TRMT10B: variants seen among roughly 807,000 people sequenced by gnomAD.
The protein encoded by TRMT10B is tRNA methyltransferase 10B, also known as tRNA methyltransferase 10 homolog B.
A neutral mutation model predicts 43.8 loss-of-function variants in TRMT10B; 33 were observed. The observed-to-expected ratio is 0.75, with a 90% confidence interval of 0.57 to 1.01. The LOEUF (loss-of-function observed/expected upper bound fraction) is 1.01, where lower values mean the gene tolerates loss of function less well. Among genes scored for constraint, TRMT10B ranks in the 50% least tolerant of loss-of-function variants. TRMT10B has a pLI of 0.00. For missense variants in TRMT10B, 362 were observed against 369.8 expected, an observed-to-expected ratio of 0.98 and a Z score of 0.17; for synonymous variants, 137 against 130.6, an observed-to-expected ratio of 1.05 and a Z score of -0.34.
At chr9:37,753,206 G>T (rs751994970), upstream of TRMT10B, among the ~76,000 whole-genome samples, 1 of 152,230 alleles carries the variant, frequency 6.6e-6, no homozygotes, top group Non-Finnish European at 1.5e-5. Context: ...CAGTCTTTAA[G>T]AATTGTAACA....
intron 4 of TRMT10B, among the ~76,000 whole-genome samples, chr9:37,764,654 C>A (rs1054396423): frequency 6.6e-6 from 1 of 151,838 alleles, no homozygotes; most frequent in Non-Finnish European, 1.5e-5. Context: ...AAACTCCTGT[C>A]CTCAGGTGAT....
chr9:37,768,775 G>T (rs538132937), intron 5 of TRMT10B, among the ~76,000 whole-genome samples: 1 of 152,316 alleles, frequency 6.6e-6, no homozygotes, highest in African/African-American at 2.4e-5. Flanking sequence ...TGGAAGTGAT[G>T]AATGTGAAGG....
chr9:37,754,093 G>T (rs1055971401), intron 1 of TRMT10B, among the ~76,000 whole-genome samples: 1 of 152,260 alleles, frequency 6.6e-6, no homozygotes, highest in East Asian at 1.9e-4. Context: ...ATCACTTAGC[G>T]GCAGTGTAGG....
At chr9:37,774,925 T>A (rs1209465739) in intron 7 of TRMT10B, among the ~76,000 whole-genome samples, 3 of 152,048 alleles carry the variant, frequency 2.0e-5, no homozygotes, top group African/African-American at 7.2e-5. Flanking sequence ...CAAAGAAGAG[T>A]TGACAGAACT....
intron 4 of TRMT10B, chr9:37,767,566 A>C (rs558865553): frequency 6.7e-6 from 1 of 150,186 alleles, no homozygotes; most frequent in Admixed American, 6.7e-5. Context: ...TAGCAGATTA[A>C]ATCAAACCCA....
rs1362499329 is a variant in TRMT10B at position 37,773,958 on chromosome 9, A to AG, written c.721-2324_721-2323insG. On this transcript the variant is annotated intron_variant, in intron 7 of 8. Transcript: ENST00000297994. ...GCAACACAGTGAGACCCTGTCTCTA[A>AG]AAAAAAAAAAAAAAAACAACAATAA... Among the ~76,000 whole-genome samples the AG allele has an allele frequency of 2.3e-5, 3 of 127,846 alleles. No individual in the cohort carries two copies. The East Asian group carries it at 6.3e-4, about 27-fold the overall frequency. The allele number at this position is 127,846 out of a possible 152,430, so 83.9% of individuals were successfully genotyped here.
Position 37,762,527 on chromosome 9 carries a change from T to G in TRMT10B, c.187-50T>G, listed in dbSNP as rs559133233. 2.9e-4 allele frequency: 444 copies of G among 1,527,690 alleles called. 5 individuals carry two copies. In the South Asian group the frequency reaches 4.2e-3, roughly 14 times the overall value. The allele number at this position is 1,527,690 out of a possible 1,614,324, so 94.6% of individuals were successfully genotyped here. ...ATGTTTCTAATGTTCATTTTCCTTTTTTGGTGCTTATGAAGTTCTCAAACA... is the reference window on the plus strand; with the variant it reads ...ATGTTTCTAATGTTCATTTTCCTTTGTTGGTGCTTATGAAGTTCTCAAACA... On this transcript the variant is annotated intron_variant, in intron 2 of 8. Coordinates refer to ENST00000297994, the MANE Select transcript of TRMT10B (RefSeq NM_144964.4).
At chr9:37,754,493 A>T (rs1218548206) in intron 1 of TRMT10B, among the ~76,000 whole-genome samples, 1 of 152,220 alleles carries the variant, frequency 6.6e-6, no homozygotes, top group African/African-American at 2.4e-5. Flanking sequence ...TGTCAGTGAA[A>T]TGGAGAGTAC....
chr9:37,776,404 AG>A lies in TRMT10B; in HGVS notation c.844+1del, dbSNP rs1174494120. The A allele has an allele frequency of 3.1e-6, 5 of 1,607,374 alleles. No individual in the cohort carries two copies. The highest frequency in any genetic ancestry group is 4.2e-6 in the Non-Finnish European group (5 of 1,177,750). ...YHSEILAINQ[V>X]FDILSTYLET... ...ATTCAGAGATACTGGCCATCAATCA[AG>A]GTACTTCTTACACGGCCCCCATCCA... is the stretch of plus-strand genomic sequence containing the variant. On this transcript the variant is annotated frameshift_variant and splice_region_variant, in exon 8 of 9. Transcript: ENST00000297994. LOFTEE classifies it high-confidence loss of function.
At chr9:37,756,753 CA>C (rs1168188986) in intron 1 of TRMT10B, among the ~76,000 whole-genome samples, 2 of 150,732 alleles carry the variant, frequency 1.3e-5, no homozygotes, top group East Asian at 1.9e-4. Flanking sequence ...CACACACACA[CA>C]TATATATATA....
intron 7 of TRMT10B, among the ~76,000 whole-genome samples, chr9:37,774,624 A>G (rs758792549): frequency 2.9e-4 from 44 of 152,272 alleles, no homozygotes; most frequent in Non-Finnish European, 6.0e-4. Flanking sequence ...TTATAAAGGA[A>G]TAAGACTTTT....
intron 1 of TRMT10B, among the ~76,000 whole-genome samples, chr9:37,756,941 G>A (rs933882146): frequency 1.3e-5 from 2 of 151,734 alleles, no homozygotes; most frequent in Admixed American, 6.6e-5. Context: ...AGCTGAGGTG[G>A]GAGGATGGCC....
chr9:37,763,857 A>AGT, intron 4 of TRMT10B, 104 bp downstream of exon 4: 1 of 1,597,482 alleles, frequency 6.3e-7, no homozygotes, highest in Non-Finnish European at 8.5e-7. Context: ...GGGATTCCTT[A>AGT]GTAAACTAGT....
In TRMT10B at chr9:37,772,480, G is replaced by C. The variant is rs189420738; in HGVS notation, c.720+1741G>C. 2.7e-3 allele frequency among the ~76,000 whole-genome samples: 412 copies of C among 151,980 alleles called. 3 individuals carry two copies. Among genetic ancestry groups the C allele is most frequent in the African/African-American group, 9.6e-3 (400 of 41,472 alleles). ...TGTTTAAAATTTTTTGTAGAGACAG[G>C]GTCTCACTGTGTCCAGCCTTGAATT... On this transcript the variant is annotated intron_variant, in intron 7 of 8. Coordinates refer to ENST00000297994, the MANE Select transcript of TRMT10B (RefSeq NM_144964.4).
chr9:37,769,308 TAAAAAAAAAAAAAAAAAAAAA>T (rs57651814), intron 5 of TRMT10B, among the ~76,000 whole-genome samples: 1 of 60,718 alleles, frequency 1.6e-5, no homozygotes, highest in Admixed American at 2.3e-4. Context: ...ACCCTGTCTT[TAAAAAAAAAAAAAAAAAAAAA>T]AAAAAAAAAA....
At chr9:37,761,659 T>C (rs891098908) in intron 1 of TRMT10B, among the ~76,000 whole-genome samples, 2 of 152,184 alleles carry the variant, frequency 1.3e-5, no homozygotes, top group African/African-American at 4.8e-5. Flanking sequence ...GATCACACCA[T>C]TGTACTCCAG....
chr9:37,756,729 TATATATATATATACACACACAC>T (rs1825726238), intron 1 of TRMT10B, among the ~76,000 whole-genome samples: 1 of 148,154 alleles, frequency 6.7e-6, no homozygotes, highest in Admixed American at 6.6e-5. Context: ...CAAAAAGATA[TATATATATATATACACACACAC>T]ACATATATAT....
intron 1 of TRMT10B, among the ~76,000 whole-genome samples, chr9:37,757,306 G>T (rs762382133): frequency 9.2e-5 from 14 of 152,026 alleles, no homozygotes; most frequent in Non-Finnish European, 1.3e-4. Flanking sequence ...GAACCCCCAG[G>T]CTCAATTGAT....
chr9:37,772,165 C>A (rs1395228826), intron 7 of TRMT10B, among the ~76,000 whole-genome samples: 1 of 152,140 alleles, frequency 6.6e-6, no homozygotes, highest in Non-Finnish European at 1.5e-5. Context: ...GTGTGTGCCA[C>A]CATGCACAGC....
Sources: gnomAD v4.1 joint callset for allele counts (sites outside exome capture counted in the v4.1 genomes callset) on GRCh38, gnomAD v4.1.1 for gene constraint, MANE v1.5 for transcripts, NCBI Gene and HGNC (gene_info 2026-07-23, HGNC 2026-07-21) for gene names.